Variants in MGA observed in about 807,000 individuals in gnomAD.
MGA encodes the protein MAX dimerization protein MGA.
MGA carries 40 observed loss-of-function variants against 261.1 expected under a neutral mutation model. The ratio of observed to expected loss-of-function variants is 0.15; its 90% confidence interval spans 0.12 to 0.20. MGA has a LOEUF of 0.20. MGA is among the 10% of genes least tolerant of loss of function. The pLI is 1.00. For synonymous variants in MGA, 1,302 were observed against 1,290.6 expected, an observed-to-expected ratio of 1.01 and a Z score of -0.19; for missense variants, 3,397 against 3,630.5, an observed-to-expected ratio of 0.94 and a Z score of 1.65.
intron 2 of MGA, among the ~76,000 whole-genome samples, chr15:41,680,581 A>G (rs2151087969): frequency 6.6e-6 from 1 of 152,284 alleles, no homozygotes; most frequent in East Asian, 1.9e-4. Context: ...TCACTAATTC[A>G]CTAGACTCAT....
At chr15:41,686,877 T>C (rs914435527) in intron 2 of MGA, among the ~76,000 whole-genome samples, 2 of 152,338 alleles carry the variant, frequency 1.3e-5, no homozygotes, top group African/African-American at 4.8e-5. Flanking sequence ...TTCAATTTGC[T>C]AATATTTTAT....
rs35157141 is a variant in MGA, at chr15:41,641,487, CTTTTTTTTTTTT to C, written c.-68+20199_-68+20210del. The stretch of plus-strand genomic sequence containing the variant: ...GTTCCAATTTTTCTACATCCTAACA[CTTTTTTTTTTTT>C]TTTTTTTTTGAGAAGGAGTCTTGCT... On this transcript the variant is annotated intron_variant, in intron 1 of 8. Transcript: ENST00000566718. 7.3e-5 allele frequency among the ~76,000 whole-genome samples: 9 copies of C among 123,692 alleles called. No homozygotes were observed. In the South Asian group the frequency reaches 2.4e-3, roughly 33 times the overall value. The allele number at this position is 123,692 out of a possible 152,430, so 81.1% of individuals were successfully genotyped here.
intron 1 of MGA, among the ~76,000 whole-genome samples, chr15:41,633,198 C>G (rs1477607207): frequency 6.6e-6 from 1 of 152,100 alleles, no homozygotes; most frequent in Non-Finnish European, 1.5e-5. Context: ...ATCCCCCCTG[C>G]CTTGGCCTCC....
Position 41,729,271 on chromosome 15 carries a change from T to TTCC in MGA, c.3775_3777dup (p.Ser1259dup). On this transcript the variant is annotated inframe_insertion, in exon 11 of 24. Coordinates refer to ENST00000219905, the MANE Select transcript of MGA (RefSeq NM_001164273.2). ...AAAAAGAGGACCAGAGACAACCATC[T>TTCC]TCCTCCTCCTCCCCATCTCCATCAT... The TTCC allele has an allele frequency of 6.2e-7, 1 of 1,613,876 alleles. No homozygotes were observed. Among genetic ancestry groups the TTCC allele is most frequent in the Non-Finnish European group, 8.5e-7 (1 of 1,179,850 alleles).
intron 1 of MGA, among the ~76,000 whole-genome samples, chr15:41,644,757 C>CT (rs1226845078): frequency 2.0e-5 from 3 of 152,138 alleles, no homozygotes; most frequent in Non-Finnish European, 4.4e-5. Flanking sequence ...TAGAGGTTGT[C>CT]TTCAGTCCTC....
At chr15:41,680,493 A>G (rs1292465943) in intron 2 of MGA, among the ~76,000 whole-genome samples, 2 of 152,210 alleles carry the variant, frequency 1.3e-5, no homozygotes, top group Non-Finnish European at 2.9e-5. Context: ...GACATTAACC[A>G]CAACTGGAGA....
At chr15:41,714,057 C>A in intron 9 of MGA, among the ~76,000 whole-genome samples, 1 of 152,008 alleles carries the variant, frequency 6.6e-6, no homozygotes, top group East Asian at 1.9e-4. Context: ...TTGATTTTTT[C>A]GTTTCTGTTA....
At chr15:41,760,839 C>T (rs1301478534) in intron 20 of MGA, among the ~76,000 whole-genome samples, 3 of 152,138 alleles carry the variant, frequency 2.0e-5, no homozygotes, top group South Asian at 4.1e-4. Flanking sequence ...TGGGTTCAAG[C>T]GATTCTCTTG....
intron 2 of MGA, among the ~76,000 whole-genome samples, chr15:41,678,738 G>A (rs2058513503): frequency 6.7e-6 from 1 of 148,426 alleles, no homozygotes; most frequent in Non-Finnish European, 1.5e-5. Flanking sequence ...CTGTCCTCCA[G>A]CCTGGGCAGC....
At chr15:41,656,970 A>G (rs2057216146), upstream of MGA, among the ~76,000 whole-genome samples, 1 of 151,846 alleles carries the variant, frequency 6.6e-6, no homozygotes, top group Non-Finnish European at 1.5e-5. Context: ...ATGGGTTCTC[A>G]CTATGTTGTC....
intron 15 of MGA, among the ~76,000 whole-genome samples, chr15:41,745,281 TAAAAAAAAAAA>T (rs71108126): frequency 4.2e-4 from 14 of 33,240 alleles, no homozygotes; most frequent in Non-Finnish European, 9.4e-4. Flanking sequence ...GAATGATCAA[TAAAAAAAAAAA>T]AAAAAAAAAA....
chr15:41,711,727 G>A (rs909957044), intron 8 of MGA, among the ~76,000 whole-genome samples: 1 of 151,982 alleles, frequency 6.6e-6, no homozygotes, highest in Non-Finnish European at 1.5e-5. Context: ...ATGGAGTCTC[G>A]CTCTGTTGCC....
intron 1 of MGA, chr15:41,621,646 C>A (rs1173679645): frequency 7.1e-6 from 1 of 140,918 alleles, no homozygotes; most frequent in African/African-American, 2.6e-5. Flanking sequence ...CGCCTGGTGG[C>A]GTGTTCTTGG....
chr15:41,736,113 T>A, intron 12 of MGA, 68 bp from the exon 13 acceptor site: 1 of 1,301,254 alleles, frequency 7.7e-7, no homozygotes, highest in Non-Finnish European at 1.0e-6. Context: ...TTTCAGAGTT[T>A]CATACAAAAT....
At position 41,766,974 on chromosome 15, in the gene MGA, C is replaced by T. The variant is rs191998618; in HGVS notation, c.8892C>T (p.Pro2964=). The T allele has an allele frequency of 1.8e-4, 295 of 1,614,000 alleles. 1 individual carries two copies. The highest frequency in any genetic ancestry group is 2.1e-4 in the Non-Finnish European group (242 of 1,179,894). ...CAGAGCCCGAAAGTGTGTCCTCACC[C>T]CCCACCCTACACATGAAGACTGGCT... Residue 2964 remains proline (P), a synonymous_variant, in exon 24 of 24, where the codon CCC becomes CCT. Transcript: ENST00000219905.
At chr15:41,648,495 C>T (rs1448464715) in intron 1 of MGA, among the ~76,000 whole-genome samples, 1 of 152,044 alleles carries the variant, frequency 6.6e-6, no homozygotes, top group African/African-American at 2.4e-5. Context: ...GGGAATAGAA[C>T]AGGGTACTTT....
intron 11 of MGA, among the ~76,000 whole-genome samples, chr15:41,729,613 G>A (rs1025143670): frequency 6.6e-6 from 1 of 151,946 alleles, no homozygotes; most frequent in Non-Finnish European, 1.5e-5. Context: ...GTTGAGCCCA[G>A]GAGTTTGAGG....
At chr15:41,751,435 TAAA>T (rs1298846707) in intron 17 of MGA, 1 of 152,060 alleles carries the variant, frequency 6.6e-6, no homozygotes, top group African/African-American at 2.4e-5. Context: ...AAAACTTTAG[TAAA>T]AAAGTCCAGG....
At chr15:41,626,543 C>T (rs1235064629) in intron 1 of MGA, among the ~76,000 whole-genome samples, 1 of 152,094 alleles carries the variant, frequency 6.6e-6, no homozygotes, top group East Asian at 1.9e-4. Context: ...CTGCCTCAGC[C>T]TCCTGAGTAG....
Sources: gnomAD v4.1 joint callset for allele counts (sites outside exome capture counted in the v4.1 genomes callset) on GRCh38, gnomAD v4.1.1 for gene constraint, MANE v1.5 for transcripts, NCBI Gene and HGNC (gene_info 2026-07-23, HGNC 2026-07-21) for gene names.